TAFA4: variants seen among roughly 807,000 people sequenced by gnomAD.
TAFA4 encodes the protein chemokine-like protein TAFA-4.
In TAFA4, 20 loss-of-function variants were observed where a neutral mutation model predicts 21.1. That is an observed-to-expected ratio of 0.95 (90% CI 0.67 to 1.38). The LOEUF is 1.38. Among genes scored for constraint, TAFA4 ranks in the 40% most tolerant of loss-of-function variants. The probability of loss-of-function intolerance (pLI) is 0.00; values close to 1 mark genes in which losing one functional copy is unlikely to be tolerated. For missense variants in TAFA4, 211 were observed against 180.9 expected (o/e 1.17, Z -0.95); for synonymous variants, 71 against 67.4 (o/e 1.05, Z -0.26).
intron 4 of TAFA4, among the ~76,000 whole-genome samples, chr3:68,747,537 C>G (rs1197737387): frequency 6.6e-6 from 1 of 152,182 alleles, no homozygotes; most frequent in Admixed American, 6.5e-5. Context: ...GATGGTGAGG[C>G]CTCCCCAGCC....
chr3:68,753,793 G>T (rs1702608283), intron 3 of TAFA4, among the ~76,000 whole-genome samples: 1 of 152,232 alleles, frequency 6.6e-6, no homozygotes, highest in Non-Finnish European at 1.5e-5. Context: ...GGAGATCTCA[G>T]TCCTACAACC....
chr3:68,916,588 C>A (rs778315524), intron 1 of TAFA4, among the ~76,000 whole-genome samples: 2 of 152,200 alleles, frequency 1.3e-5, no homozygotes, highest in African/African-American at 4.8e-5. Flanking sequence ...TCATTTCACC[C>A]CACATGTAAC....
chr3:68,880,708 A>G, intron 3 of TAFA4, 22 bp downstream of exon 3: 1 of 1,602,254 alleles, frequency 6.2e-7, no homozygotes, highest in Non-Finnish European at 8.6e-7. Flanking sequence ...TCAGCAGTGC[A>G]TAATGAGCTT....
At chr3:68,844,017 T>A (rs1286125904) in intron 3 of TAFA4, among the ~76,000 whole-genome samples, 1 of 152,226 alleles carries the variant, frequency 6.6e-6, no homozygotes, top group African/African-American at 2.4e-5. Context: ...GGTATCAGGA[T>A]GACACTGGCC....
At chr3:68,784,356 T>C (rs1443471280) in intron 3 of TAFA4, among the ~76,000 whole-genome samples, 1 of 151,954 alleles carries the variant, frequency 6.6e-6, no homozygotes, top group Non-Finnish European at 1.5e-5. Context: ...GTTACAGCTC[T>C]TAAGGTGGCA....
intron 1 of TAFA4, among the ~76,000 whole-genome samples, chr3:68,909,464 G>C (rs1241564967): frequency 6.6e-6 from 1 of 152,174 alleles, no homozygotes; most frequent in Non-Finnish European, 1.5e-5. Context: ...TCTACTGAAT[G>C]AGTGAATGGC....
At chr3:68,911,638 G>A (rs764925531) in intron 1 of TAFA4, among the ~76,000 whole-genome samples, 10 of 152,178 alleles carry the variant, frequency 6.6e-5, no homozygotes, top group Non-Finnish European at 1.5e-4. Flanking sequence ...CTAAATCGGA[G>A]AACAAATCAG....
intron 3 of TAFA4, among the ~76,000 whole-genome samples, chr3:68,779,747 G>A (rs187294056): frequency 5.3e-5 from 8 of 152,320 alleles, no homozygotes; most frequent in Admixed American, 3.3e-4. Context: ...CTGCAGGGGC[G>A]GGGCCCTCAT....
rs1358320418 is a variant in TAFA4 at position 68,752,874 on chromosome 3, G to A, written c.275C>T (p.Ser92Phe). The change falls in exon 4 of 6, where the codon TCT (serine) becomes TTT (phenylalanine). Residue 92 changes from serine to phenylalanine, a missense_variant. Physicochemically the swap from Ser to Phe is radical, Grantham distance 155. Transcript: ENST00000295569. ...QVAGTTRAQP[S>F]CVEASIVIQK... ...CAGAGAGGTCTTACCTTCAACACAAGAAGGTTGAGCCCGAGTTGTGCCCGC... is the reference window on the plus strand; with the variant it reads ...CAGAGAGGTCTTACCTTCAACACAAAAAGGTTGAGCCCGAGTTGTGCCCGC... 1.2e-6 allele frequency: 2 copies of A among 1,614,090 alleles called. No individual in the cohort carries two copies. The highest frequency in any genetic ancestry group is 1.7e-5 in the Admixed American group (1 of 60,016).
In TAFA4 at chr3:68,741,073, G is replaced by A. The variant is rs144741665; in HGVS notation, c.287-1874C>T. ...ATAGCTTTGTAATATAATTGGAATC[G>A]GGCTGTGTGCCTCCAACTCTGTTCT... On this transcript the variant is annotated intron_variant, in intron 4 of 5. Transcript: ENST00000295569. Among the ~76,000 whole-genome samples the A allele has an allele frequency of 4.8e-3, 725 of 152,142 alleles. 5 individuals are homozygous for A. The highest frequency in any genetic ancestry group is 0.015 in the African/African-American group (622 of 41,490).
At position 68,899,469 on chromosome 3, in the gene TAFA4, T is replaced by G. The variant is rs1035565057; in HGVS notation, c.-122-14159A>C. ...AGGCTTCTTAAACTTCTTCCATGGT[T>G]TGACATCATTGACTCAGATAAAGGC... On this transcript the variant is annotated intron_variant, in intron 1 of 5. Transcript: ENST00000295569. 3.9e-5 allele frequency among the ~76,000 whole-genome samples: 6 copies of G among 152,210 alleles called. 1 individual carries two copies. Among genetic ancestry groups the G allele is most frequent in the Admixed American group, 3.9e-4 (6 of 15,300 alleles).
chr3:68,837,566 C>A (rs1704552940), intron 3 of TAFA4, among the ~76,000 whole-genome samples: 1 of 152,174 alleles, frequency 6.6e-6, no homozygotes, highest in Non-Finnish European at 1.5e-5. Context: ...CCGCCCCCCA[C>A]TCCAGTGATT....
At chr3:68,856,828 G>A (rs1443306554) in intron 3 of TAFA4, among the ~76,000 whole-genome samples, 1 of 152,128 alleles carries the variant, frequency 6.6e-6, no homozygotes, top group African/African-American at 2.4e-5. Context: ...CAGCACTGTT[G>A]TATGGAGGGG....
At chr3:68,896,338 G>A (rs2089788905) in intron 1 of TAFA4, among the ~76,000 whole-genome samples, 1 of 152,138 alleles carries the variant, frequency 6.6e-6, no homozygotes, top group South Asian at 2.1e-4. Context: ...GGCAGGATCG[G>A]AAACAGGGAG....
At chr3:68,784,314 C>G (rs553607326) in intron 3 of TAFA4, among the ~76,000 whole-genome samples, 13 of 152,350 alleles carry the variant, frequency 8.5e-5, no homozygotes, top group African/African-American at 3.1e-4. Flanking sequence ...TCACTGACTT[C>G]AAGAATGAAG....
intron 3 of TAFA4, among the ~76,000 whole-genome samples, chr3:68,849,920 T>G (rs141734545): frequency 6.7e-4 from 102 of 152,242 alleles, no homozygotes; most frequent in Middle Eastern, 3.4e-3. Context: ...TTTCTTGCAG[T>G]TTTATTGAGG....
chr3:68,780,428 T>C (rs912826171), intron 3 of TAFA4, among the ~76,000 whole-genome samples: 6 of 152,166 alleles, frequency 3.9e-5, no homozygotes, highest in African/African-American at 1.2e-4. Flanking sequence ...TCAATTCCCA[T>C]GTAGTGGGGG....
chr3:68,869,565 A>G (rs550632487), intron 3 of TAFA4, among the ~76,000 whole-genome samples: 1 of 152,258 alleles, frequency 6.6e-6, no homozygotes. Context: ...ACATATGCAA[A>G]TCAATAAACA....
At chr3:68,742,555 C>T (rs1341091422) in intron 4 of TAFA4, among the ~76,000 whole-genome samples, 4 of 152,008 alleles carry the variant, frequency 2.6e-5, no homozygotes, top group Non-Finnish European at 4.4e-5. Flanking sequence ...TCACTACAAA[C>T]CTGAGGTTAA....
Sources: allele counts gnomAD v4.1 joint callset (sites outside exome capture counted in the v4.1 genomes callset), GRCh38; gene constraint gnomAD v4.1.1; transcripts MANE v1.5; gene names NCBI Gene and HGNC (gene_info 2026-07-23, HGNC 2026-07-21).